Variants in DDX50 observed in about 807,000 individuals in gnomAD.
The protein encoded by DDX50 is ATP-dependent RNA helicase DDX50.
A neutral mutation model predicts 94.8 loss-of-function variants in DDX50; 56 were observed. That is an observed-to-expected ratio of 0.59 (90% confidence interval 0.48 to 0.74). The LOEUF is 0.74. Ranked by LOEUF, DDX50 falls within the 30% of genes least tolerant of loss-of-function variation. The pLI, the probability that DDX50 is intolerant of heterozygous loss-of-function variation, is 0.00. For missense variants in DDX50, 713 were observed against 881.2 expected, an observed-to-expected ratio of 0.81 and a Z score of 2.42; for synonymous variants, 264 against 295.4, an observed-to-expected ratio of 0.89 and a Z score of 1.09.
At chr10:68,927,787 T>G (rs892760907) in intron 8 of DDX50, among the ~76,000 whole-genome samples, 1 of 152,184 alleles carries the variant, frequency 6.6e-6, no homozygotes, top group African/African-American at 2.4e-5. Flanking sequence ...AGTAGATATA[T>G]TTTTAAAGGG....
intron 7 of DDX50, among the ~76,000 whole-genome samples, chr10:68,916,456 A>G (rs1324412077): frequency 6.6e-6 from 1 of 152,114 alleles, no homozygotes; most frequent in African/African-American, 2.4e-5. Context: ...AACAGTTGAT[A>G]AGAACATTTT....
intron 8 of DDX50, among the ~76,000 whole-genome samples, chr10:68,931,036 C>T (rs896054552): frequency 6.6e-6 from 1 of 152,120 alleles, no homozygotes; most frequent in Non-Finnish European, 1.5e-5. Flanking sequence ...TTAGGGAATC[C>T]TTTCTTGCCC....
rs188846063 is a variant in DDX50 at position 68,946,503 on chromosome 10, G to C, written c.2087G>C (p.Arg696Pro). The stretch of plus-strand genomic sequence containing the variant: ...GGCCGGTCAGGCCGGTCAGGTGGTC[G>C]ATCTGGCGGCCGGTCAGGTAGACAG... Reference protein sequence around the residue: ...RSGRSGRSGGRSGGRSGRQSR... With the variant: ...RSGRSGRSGGPSGGRSGRQSR... Residue 696 changes from arginine (R) to proline (P), a missense_variant, in exon 15 of 15, where the codon CGA (arginine) becomes CCA (proline). This residue lies in a region of DDX50 where 428 missense variants were observed against 602.3 expected (regional missense o/e 0.71). Coordinates refer to ENST00000373585, the MANE Select transcript of DDX50 (RefSeq NM_024045.2). 3.1e-6 allele frequency: 5 copies of C among 1,614,180 alleles called. No homozygotes were observed. The highest frequency in any genetic ancestry group is 3.4e-6 in the Non-Finnish European group (4 of 1,180,028).
At position 68,911,209 on chromosome 10, in the gene DDX50, G is replaced by C; in HGVS notation, c.602G>C (p.Arg201Thr). ...FAIPLIERLQRNQETIKKSRS... is the reference protein window; with the variant it reads ...FAIPLIERLQTNQETIKKSRS... ...ATCCCCTTAATTGAAAGACTCCAAA[G>C]AAATCAAGAAACAATTAAAAAAAGC... The change falls in exon 4 of 15, where the codon AGA becomes ACA. Residue 201 changes from arginine (R) to threonine (T), a missense_variant. Transcript: ENST00000373585. 1 of 1,604,484 alleles carries C rather than the reference G, an allele frequency of 6.2e-7. No homozygotes were observed. Among genetic ancestry groups the C allele is most frequent in the Non-Finnish European group, 8.5e-7 (1 of 1,177,250 alleles).
intron 1 of DDX50, among the ~76,000 whole-genome samples, chr10:68,904,193 C>T (rs1205546325): frequency 2.0e-5 from 3 of 151,368 alleles, no homozygotes; most frequent in African/African-American, 7.3e-5. Flanking sequence ...TGCCTGTAGA[C>T]TTAGCTACTC....
chr10:68,915,732 A>T (rs1264471004), intron 7 of DDX50, among the ~76,000 whole-genome samples: 1 of 151,982 alleles, frequency 6.6e-6, no homozygotes, highest in African/African-American at 2.4e-5. Context: ...AAAAAAAGAA[A>T]AAAGAACTAA....
intron 7 of DDX50, 96 bp downstream of exon 7, chr10:68,914,300 T>C: frequency 7.5e-7 from 1 of 1,330,414 alleles, no homozygotes; most frequent in Non-Finnish European, 1.1e-6. Flanking sequence ...TACCTCTTCA[T>C]GCCTAATCTT....
chr10:68,941,887 G>A (rs979765221), intron 13 of DDX50, among the ~76,000 whole-genome samples: 5 of 152,090 alleles, frequency 3.3e-5, no homozygotes, highest in East Asian at 1.9e-4. Context: ...TGATCCTCCC[G>A]CTTCTGCCTC....
At chr10:68,926,780 C>T (rs2132044948) in intron 8 of DDX50, among the ~76,000 whole-genome samples, 1 of 130,274 alleles carries the variant, frequency 7.7e-6, no homozygotes, top group East Asian at 2.0e-4. Context: ...GAGATACACA[C>T]ACACACACAC....
chr10:68,928,054 G>A, intron 8 of DDX50, among the ~76,000 whole-genome samples: 1 of 152,084 alleles, frequency 6.6e-6, no homozygotes. Context: ...GGATGTTTTT[G>A]AAATTAAAAG....
At position 68,946,353 on chromosome 10, in the gene DDX50, C is replaced by T. The variant is rs757516180; in HGVS notation, c.1937C>T (p.Ala646Val). ...VPTTESERLQ[A>V]EWHDSDWILS... ...TAATCCTGTAAATTCCCCTAACAGGCAGAGTGGCATGATTCCGACTGGATA... is the reference window on the plus strand; with the variant it reads ...TAATCCTGTAAATTCCCCTAACAGGTAGAGTGGCATGATTCCGACTGGATA... Residue 646 changes from alanine (A) to valine (V), a missense_variant and splice_region_variant, in exon 15 of 15, where the codon GCA (alanine) becomes GTA (valine). This residue lies in a region of DDX50 where 428 missense variants were observed against 602.3 expected (regional missense o/e 0.71). Transcript: ENST00000373585. The T allele has an allele frequency of 3.7e-6, 6 of 1,605,276 alleles. No homozygotes were observed. The highest frequency in any genetic ancestry group is 1.3e-5 in the African/African-American group (1 of 74,732).
intron 2 of DDX50, among the ~76,000 whole-genome samples, chr10:68,908,231 A>T (rs1331136364): frequency 2.0e-5 from 3 of 152,052 alleles, no homozygotes; most frequent in Admixed American, 2.0e-4. Context: ...CAGGTGGATC[A>T]CCTGAGATCA....
chr10:68,938,039 A>G (rs1236507344), intron 12 of DDX50, among the ~76,000 whole-genome samples: 4 of 152,236 alleles, frequency 2.6e-5, no homozygotes, highest in Non-Finnish European at 4.4e-5. Context: ...GTTCTGTATC[A>G]TCATCTAATA....
At chr10:68,912,788 G>T (rs1280526612) in intron 4 of DDX50, among the ~76,000 whole-genome samples, 1 of 152,158 alleles carries the variant, frequency 6.6e-6, no homozygotes, top group African/African-American at 2.4e-5. Context: ...GAAGTGTAAG[G>T]AATACAGTAA....
At chr10:68,902,046 C>A (rs966708110) in intron 1 of DDX50, among the ~76,000 whole-genome samples, 1 of 151,838 alleles carries the variant, frequency 6.6e-6, no homozygotes, top group Non-Finnish European at 1.5e-5. Context: ...TCATTCAATC[C>A]GCAGGTGTTT....
intron 8 of DDX50, among the ~76,000 whole-genome samples, chr10:68,931,407 ATATG>A (rs113598927): frequency 0.066 from 4,769 of 71,830 alleles, 152 homozygotes; most frequent in Non-Finnish European, 0.083. Context: ...ATATATATAT[ATATG>A]TATATATATA....
Position 68,934,184 on chromosome 10 carries a change from C to T in DDX50, c.1240-15C>T, listed in dbSNP as rs370106333. 3 of 1,607,244 alleles carry T rather than the reference C, an allele frequency of 1.9e-6. No individual in the cohort carries two copies. The African/African-American group carries it at 4.0e-5, about 22-fold the overall frequency. ...ATGAGCTGTACACTTAATTTTCTCC[C>T]CCTTTCTCAAATAGAATGCCCAGTG... On this transcript the variant is annotated splice_polypyrimidine_tract_variant and intron_variant, in intron 8 of 14. Transcript: ENST00000373585. This position sits in a 1 kb window ranked among gnomAD's most constrained non-coding sequence, Gnocchi z 4.0.
rs575777739 is a variant in DDX50, at chr10:68,925,878, G to A, written c.1239+5897G>A. ...AAATACAAAAAATTAGCCAGGTGTG[G>A]TGATGCACACCTGTAGTCCCAGCTG... On this transcript the variant is annotated intron_variant, in intron 8 of 14. Transcript: ENST00000373585. 2.6e-5 allele frequency among the ~76,000 whole-genome samples: 4 copies of A among 151,680 alleles called. No individual in the cohort carries two copies. In the East Asian group the frequency reaches 7.9e-4, roughly 30 times the overall value.
chr10:68,904,792 A>G (rs1243611309), intron 1 of DDX50, among the ~76,000 whole-genome samples: 2 of 152,186 alleles, frequency 1.3e-5, no homozygotes, highest in Non-Finnish European at 2.9e-5. Context: ...TGTAGAACCT[A>G]TTGGTTTGGA....
Sources: allele counts gnomAD v4.1 joint callset (sites outside exome capture counted in the v4.1 genomes callset), GRCh38; gene constraint gnomAD v4.1.1; regional missense constraint gnomAD v4.1.1; non-coding constraint Gnocchi (gnomAD v3.1); transcripts MANE v1.5; gene names NCBI Gene and HGNC (gene_info 2026-07-23, HGNC 2026-07-21).